WIPF1: variants seen among roughly 807,000 people sequenced by gnomAD.
WIPF1 encodes the protein WAS/WASL-interacting protein family member 1.
A neutral mutation model predicts 35.4 loss-of-function variants in WIPF1; 13 were observed. The observed-to-expected ratio is 0.37, with a 90% CI of 0.24 to 0.58. The LOEUF (loss-of-function observed/expected upper bound fraction) is 0.58, where lower values mean the gene tolerates loss of function less well. Ranked by LOEUF, WIPF1 falls within the 20% of genes least tolerant of loss-of-function variation. The pLI is 0.74. For synonymous variants in WIPF1, 267 were observed against 266.3 expected (o/e 1.00, Z -0.02); for missense variants, 591 against 667.0 (o/e 0.89, Z 1.25).
chr2:174,576,230 C>CAAAAAAA lies in WIPF1; in HGVS notation c.182-857_182-851dup, dbSNP rs66562213. ...CTATGATTGCACCACTGCACTCCAG[C>CAAAAAAA]AAAAAAAAAAAAAAAAAAACACTAA... On this transcript the variant is annotated intron_variant, in intron 3 of 7. Coordinates refer to ENST00000679041, the MANE Select transcript of WIPF1 (RefSeq NM_001375834.1). 5.1e-4 allele frequency among the ~76,000 whole-genome samples: 50 copies of CAAAAAAA among 98,926 alleles called. 1 individual carries two copies. The highest frequency in any genetic ancestry group is 1.6e-3 in the African/African-American group (37 of 22,958). The allele number at this position is 98,926 out of a possible 152,430, so 64.9% of individuals were successfully genotyped here.
intron 1 of WIPF1, chr2:174,673,228 G>A (rs1282082389): frequency 6.6e-6 from 1 of 152,214 alleles, no homozygotes; most frequent in African/African-American, 2.4e-5. Flanking sequence ...CAGGCACTTG[G>A]ACCTGCTAGT....
At chr2:174,612,789 T>C (rs988570968) in intron 1 of WIPF1, among the ~76,000 whole-genome samples, 3 of 150,316 alleles carry the variant, frequency 2.0e-5, no homozygotes, top group Middle Eastern at 3.2e-3. Flanking sequence ...TAAAAAAAAA[T>C]CACAGGGATT....
chr2:174,665,323 C>G (rs1687868215), intron 1 of WIPF1: 2 of 152,242 alleles, frequency 1.3e-5, no homozygotes, highest in Admixed American at 1.3e-4. Context: ...CACAGACACT[C>G]AACTGTTTTC....
intron 1 of WIPF1, chr2:174,630,810 C>G (rs895208827): frequency 2.6e-5 from 4 of 152,216 alleles, no homozygotes; most frequent in Non-Finnish European, 5.9e-5. Flanking sequence ...CACATCTTTC[C>G]TACCACTTCC....
In WIPF1 at chr2:174,572,181, T is replaced by C. The variant is rs749672450; in HGVS notation, c.624A>G (p.Gly208=). 2 of 1,614,070 alleles carry C rather than the reference T, an allele frequency of 1.2e-6. No homozygotes were observed. Among genetic ancestry groups the C allele is most frequent in the African/African-American group, 1.3e-5 (1 of 75,036 alleles). Reference sequence around the variant, plus strand: ...GCCCGGGGCTGGGCTGCCTGGGGCCTCCGGGCACTGGTGGGGACCCCCGGT... The same window carrying C: ...GCCCGGGGCTGGGCTGCCTGGGGCCCCCGGGCACTGGTGGGGACCCCCGGT... ...PHNRGSPPVP[G]GPRQPSPGPT... is the part of the protein sequence containing the mutation. The change falls in exon 5 of 8, where the codon GGA becomes GGG. Residue 208 remains glycine, a synonymous_variant. Transcript: ENST00000679041.
At chr2:174,621,947 T>C (rs1197423604) in intron 1 of WIPF1, among the ~76,000 whole-genome samples, 2 of 152,154 alleles carry the variant, frequency 1.3e-5, no homozygotes, top group African/African-American at 4.8e-5. Flanking sequence ...GAATTTAATT[T>C]TACTGATGAG....
chr2:174,617,391 G>C (rs548160184), intron 1 of WIPF1, among the ~76,000 whole-genome samples: 1 of 152,138 alleles, frequency 6.6e-6, no homozygotes, highest in Non-Finnish European at 1.5e-5. Flanking sequence ...CAAATCATAG[G>C]CATCTGGAAA....
At chr2:174,672,245 G>A (rs1000110813) in intron 1 of WIPF1, among the ~76,000 whole-genome samples, 13 of 152,200 alleles carry the variant, frequency 8.5e-5, no homozygotes, top group African/African-American at 2.9e-4. Context: ...CACTAATACA[G>A]AATAAAAGTG....
intron 3 of WIPF1, 154 bp downstream of exon 3, chr2:174,581,156 G>A (rs1171218999): frequency 1.9e-6 from 2 of 1,049,738 alleles, no homozygotes; most frequent in Non-Finnish European, 2.7e-6. Context: ...CAAAGCTGCG[G>A]CCTACAGGGA....
chr2:174,629,711 T>C (rs139606267), intron 1 of WIPF1: 4 of 152,344 alleles, frequency 2.6e-5, no homozygotes, highest in African/African-American at 9.6e-5. Context: ...GAACAGCAGT[T>C]CTCTTCCTTT....
chr2:174,609,927 G>T (rs140929392), intron 1 of WIPF1, among the ~76,000 whole-genome samples: 44 of 152,296 alleles, frequency 2.9e-4, no homozygotes, highest in South Asian at 1.0e-3. Context: ...ATATCACAGA[G>T]GCGTGGGTGA....
At chr2:174,674,917 C>G (rs966308812) in intron 1 of WIPF1, among the ~76,000 whole-genome samples, 2 of 143,048 alleles carry the variant, frequency 1.4e-5, no homozygotes. Context: ...CACACACACA[C>G]ACACACACAC....
intron 1 of WIPF1, among the ~76,000 whole-genome samples, chr2:174,619,147 C>T (rs564129225): frequency 5.9e-5 from 9 of 152,188 alleles, no homozygotes; most frequent in African/African-American, 2.2e-4. Context: ...CGGGGTCACA[C>T]TATGTTGCCC....
intron 1 of WIPF1, among the ~76,000 whole-genome samples, chr2:174,664,908 C>T (rs186200951): frequency 1.3e-5 from 2 of 152,222 alleles, no homozygotes; most frequent in East Asian, 1.9e-4. Flanking sequence ...GCTGGAATTA[C>T]AGGTATGAGC....
intron 1 of WIPF1, among the ~76,000 whole-genome samples, chr2:174,603,319 A>G (rs1037997903): frequency 1.3e-5 from 2 of 152,220 alleles, no homozygotes; most frequent in African/African-American, 2.4e-5. Context: ...GTTTTCTATC[A>G]TTAGCAATGC....
chr2:174,581,256 A>G, intron 3 of WIPF1, 54 bp downstream of exon 3: 1 of 1,601,300 alleles, frequency 6.2e-7, no homozygotes, highest in South Asian at 1.1e-5. Context: ...GGTAGGGTTG[A>G]TTATTAGGCC....
chr2:174,618,622 C>G (rs1686585160), intron 1 of WIPF1, among the ~76,000 whole-genome samples: 1 of 152,190 alleles, frequency 6.6e-6, no homozygotes, highest in Non-Finnish European at 1.5e-5. Context: ...TAAGTATTAT[C>G]AACTCATTCA....
chr2:174,594,140 C>T (rs142532200), intron 1 of WIPF1, among the ~76,000 whole-genome samples: 3 of 152,222 alleles, frequency 2.0e-5, no homozygotes, highest in Admixed American at 6.5e-5. Flanking sequence ...ACTTCAGCAA[C>T]GTCTGATTAG....
chr2:174,647,226 T>A (rs899393868), intron 1 of WIPF1, among the ~76,000 whole-genome samples: 5 of 151,904 alleles, frequency 3.3e-5, no homozygotes, highest in Admixed American at 6.6e-5. Context: ...TTTTTTTTTT[T>A]AATTAGCCAT....
Sources: gnomAD v4.1 joint callset for allele counts (sites outside exome capture counted in the v4.1 genomes callset) on GRCh38, gnomAD v4.1.1 for gene constraint, MANE v1.5 for transcripts, NCBI Gene and HGNC (gene_info 2026-07-23, HGNC 2026-07-21) for gene names.